The following GALNT13 variants were observed in gnomAD, a reference collection of about 807,000 sequenced individuals.
GALNT13 encodes the protein polypeptide N-acetylgalactosaminyltransferase 13, also known as UDP-GalNAc:polypeptide N-acetylgalactosaminyltransferase 13.
GALNT13 carries 28 observed loss-of-function variants against 64.2 expected under a neutral mutation model. The ratio of observed to expected loss-of-function variants is 0.44; its 90% CI spans 0.32 to 0.60. The LOEUF is 0.60. GALNT13 is among the 20% of genes least tolerant of loss of function. The pLI is 0.05. For synonymous variants in GALNT13, 214 were observed against 224.6 expected, an observed-to-expected ratio of 0.95 and a Z score of 0.42; for missense variants, 577 against 669.8, an observed-to-expected ratio of 0.86 and a Z score of 1.53.
the GALNT13 span, among the ~76,000 whole-genome samples, chr2:153,812,706 C>T: frequency 6.6e-6 from 1 of 152,126 alleles, no homozygotes; most frequent in East Asian, 1.9e-4. Context: ...TCCCCTCTTT[C>T]CTTTGTTTAT....
chr2:153,509,235 GCTGC>G, the GALNT13 span, among the ~76,000 whole-genome samples: 3 of 152,342 alleles, frequency 2.0e-5, no homozygotes, highest in South Asian at 2.1e-4. Context: ...AGAGTGCAGG[GCTGC>G]CTCAGTCAGC....
intron 3 of GALNT13, among the ~76,000 whole-genome samples, chr2:154,022,099 G>T (rs1052430673): frequency 1.2e-4 from 19 of 152,134 alleles, no homozygotes; most frequent in African/African-American, 4.6e-4. Flanking sequence ...GCTGGATTCG[G>T]TTTGCCAGTA....
chr2:153,693,759 G>T, the GALNT13 span, among the ~76,000 whole-genome samples: 1 of 152,082 alleles, frequency 6.6e-6, no homozygotes, highest in Admixed American at 6.6e-5. Context: ...AGAAAGAAGG[G>T]AGTTTGGGGG....
chr2:153,610,079 T>C, the GALNT13 span, among the ~76,000 whole-genome samples: 1 of 152,136 alleles, frequency 6.6e-6, no homozygotes, highest in East Asian at 1.9e-4. Context: ...GGGAGGAAAG[T>C]CCCAGAGAAT....
chr2:153,158,911 A>T, the GALNT13 span: 1 of 152,228 alleles, frequency 6.6e-6, no homozygotes, highest in Non-Finnish European at 1.5e-5. Flanking sequence ...CTTCTAACAG[A>T]TTCTTTGGCC....
the GALNT13 span, among the ~76,000 whole-genome samples, chr2:153,742,059 A>G: frequency 6.6e-6 from 1 of 152,084 alleles, no homozygotes; most frequent in South Asian, 2.1e-4. Flanking sequence ...ATACTGTGCA[A>G]TGGATTTTAA....
chr2:153,328,760 G>A, the GALNT13 span, among the ~76,000 whole-genome samples: 8 of 152,074 alleles, frequency 5.3e-5, no homozygotes, highest in African/African-American at 1.9e-4. Context: ...GGTGGGCTCC[G>A]CTCAGCAAGA....
the GALNT13 span, among the ~76,000 whole-genome samples, chr2:153,497,823 C>G: frequency 6.6e-6 from 1 of 152,134 alleles, no homozygotes; most frequent in Admixed American, 6.5e-5. Context: ...CAGGCGTGAG[C>G]CACTGCACCT....
chr2:153,249,993 T>G, the GALNT13 span, among the ~76,000 whole-genome samples: 87 of 151,186 alleles, frequency 5.8e-4, no homozygotes, highest in Non-Finnish European at 1.1e-3. Flanking sequence ...ATTTCATGAA[T>G]AAAACACAAA....
chr2:153,345,311 A>G, the GALNT13 span, among the ~76,000 whole-genome samples: 2 of 152,196 alleles, frequency 1.3e-5, no homozygotes, highest in African/African-American at 4.8e-5. Context: ...TTGCCTGTAG[A>G]GTATCCTTAA....
chr2:154,061,335 C>A (rs1700171922), intron 3 of GALNT13, among the ~76,000 whole-genome samples: 1 of 152,128 alleles, frequency 6.6e-6, no homozygotes. Context: ...GGGATGGTAG[C>A]TTTCCGCCAT....
the GALNT13 span, among the ~76,000 whole-genome samples, chr2:153,858,480 A>C: frequency 6.6e-6 from 1 of 152,180 alleles, no homozygotes; most frequent in African/African-American, 2.4e-5. Context: ...TTTTGGTTTC[A>C]GTTGCACATG....
chr2:153,456,887 C>T, the GALNT13 span, among the ~76,000 whole-genome samples: 1 of 151,974 alleles, frequency 6.6e-6, no homozygotes, highest in African/African-American at 2.4e-5. Flanking sequence ...AGGGTCCAGG[C>T]GGATAATATA....
the GALNT13 span, among the ~76,000 whole-genome samples, chr2:153,674,694 A>G: frequency 6.6e-6 from 1 of 152,344 alleles, no homozygotes; most frequent in Non-Finnish European, 1.5e-5. Context: ...GCCAAAATTG[A>G]CAAATAGGAT....
intron 2 of GALNT13, among the ~76,000 whole-genome samples, chr2:153,909,310 G>A (rs949447464): frequency 6.6e-6 from 1 of 152,054 alleles, no homozygotes; most frequent in Admixed American, 6.6e-5. Flanking sequence ...CTTTGCTGAG[G>A]TTTATCAGTT....
chr2:153,108,906 A>G, the GALNT13 span, among the ~76,000 whole-genome samples: 3 of 152,146 alleles, frequency 2.0e-5, no homozygotes, highest in Non-Finnish European at 4.4e-5. Flanking sequence ...AATAAGTAGT[A>G]TATGTGGGAG....
the GALNT13 span, among the ~76,000 whole-genome samples, chr2:153,093,442 G>T: frequency 6.6e-6 from 1 of 151,508 alleles, no homozygotes. Flanking sequence ...TTTCACCATT[G>T]TTGCCAGGCT....
chr2:154,342,478 T>C (rs1279938708), intron 9 of GALNT13, among the ~76,000 whole-genome samples: 1 of 152,054 alleles, frequency 6.6e-6, no homozygotes, highest in African/African-American at 2.4e-5. Context: ...CTGTCTGCTT[T>C]TGTTTTGTTT....
At chr2:154,035,009 C>T in intron 3 of GALNT13, among the ~76,000 whole-genome samples, 1 of 152,036 alleles carries the variant, frequency 6.6e-6, no homozygotes, top group South Asian at 2.1e-4. Context: ...ATGATGCTGT[C>T]TCAGAGAACT....
Sources: gnomAD v4.1 joint callset for allele counts (sites outside exome capture counted in the v4.1 genomes callset) on GRCh38, gnomAD v4.1.1 for gene constraint, MANE v1.5 for transcripts, NCBI Gene and HGNC (gene_info 2026-07-23, HGNC 2026-07-21) for gene names.